Variants in SLIT2 observed in about 807,000 individuals in gnomAD.
The protein encoded by SLIT2 is slit homolog 2 protein.
SLIT2 carries 41 observed loss-of-function variants against 185.7 expected under a neutral mutation model. The ratio of observed to expected loss-of-function variants is 0.22; its 90% confidence interval spans 0.17 to 0.29. The LOEUF (loss-of-function observed/expected upper bound fraction) is 0.29, where lower values mean the gene tolerates loss of function less well. SLIT2 is among the 10% of genes least tolerant of loss of function. SLIT2 has a pLI of 1.00. For missense variants in SLIT2, 1,571 were observed against 1,909.0 expected (o/e 0.82, Z 3.30); for synonymous variants, 693 against 680.2 (o/e 1.02, Z -0.29).
intron 4 of SLIT2, among the ~76,000 whole-genome samples, chr4:20,331,162 CT>C (rs1720035572): frequency 6.6e-6 from 1 of 152,150 alleles, no homozygotes; most frequent in South Asian, 2.1e-4. Context: ...CTAGACATGC[CT>C]TTTTGAATTT....
chr4:20,494,795 A>G (rs995926873), intron 9 of SLIT2, among the ~76,000 whole-genome samples: 1 of 151,652 alleles, frequency 6.6e-6, no homozygotes, highest in African/African-American at 2.4e-5. Context: ...AAAAAAAAGT[A>G]CTAAAATAAT....
Position 20,533,565 on chromosome 4 carries a change from T to C in SLIT2, c.1689-7T>C. 6.3e-7 allele frequency: 1 copy of C among 1,597,376 alleles called. No homozygotes were observed. ...TTAAAACCTTTGTTCCAACAATTTT[T>C]ATTTAGAAACTTTAGCAACAATAAG... On this transcript the variant is annotated splice_polypyrimidine_tract_variant and splice_region_variant and intron_variant, in intron 17 of 36. Coordinates refer to ENST00000504154, the MANE Select transcript of SLIT2 (RefSeq NM_004787.4).
At chr4:20,537,847 A>G (rs1273697324) in intron 18 of SLIT2, among the ~76,000 whole-genome samples, 2 of 152,112 alleles carry the variant, frequency 1.3e-5, no homozygotes, top group Non-Finnish European at 2.9e-5. Flanking sequence ...TCATATACAT[A>G]TTTCAGCCAG....
At chr4:20,518,177 A>G (rs13130853) in intron 11 of SLIT2, among the ~76,000 whole-genome samples, 6 of 141,416 alleles carry the variant, frequency 4.2e-5, no homozygotes, top group Admixed American at 1.4e-4. Flanking sequence ...ACATATATTT[A>G]TATATATACA....
chr4:20,257,914 CA>C lies in SLIT2; in HGVS notation c.299del (p.Gln100ArgfsTer6). 6.4e-7 allele frequency: 1 copy of C among 1,566,164 alleles called. No individual in the cohort carries two copies. Among genetic ancestry groups the C allele is most frequent in the Non-Finnish European group, 8.8e-7 (1 of 1,139,666 alleles). On this transcript the variant is annotated frameshift_variant, in exon 3 of 37. Coordinates refer to ENST00000504154, the MANE Select transcript of SLIT2 (RefSeq NM_004787.4). LOFTEE classifies it high-confidence loss of function. ...TAGCACCATTGAAAGAGGAGCATTC[CA>C]GGATCTTAAAGAACTAGAGAGACTG... Reference protein sequence around the residue: ...KISTIERGAFQDLKELERLRL... With the variant: ...KISTIERGAFXDLKELERLRL...
At chr4:20,604,655 TATCTTTA>T (rs1728653367) in intron 33 of SLIT2, among the ~76,000 whole-genome samples, 1 of 151,856 alleles carries the variant, frequency 6.6e-6, no homozygotes, top group East Asian at 2.0e-4. Flanking sequence ...CCTACATAGA[TATCTTTA>T]ATCTCATTTG....
At chr4:20,290,847 A>T (rs1014364808) in intron 4 of SLIT2, among the ~76,000 whole-genome samples, 2 of 150,440 alleles carry the variant, frequency 1.3e-5, no homozygotes, top group Admixed American at 6.6e-5. Flanking sequence ...CATTTTTCGT[A>T]ATAACCTATA....
chr4:20,256,285 G>A (rs925725414), intron 1 of SLIT2, among the ~76,000 whole-genome samples: 1 of 148,174 alleles, frequency 6.7e-6, no homozygotes, highest in African/African-American at 2.5e-5. Flanking sequence ...AGAAAATTGG[G>A]CATTTAACCT....
intron 4 of SLIT2, among the ~76,000 whole-genome samples, chr4:20,359,020 A>G (rs1388197924): frequency 6.6e-6 from 1 of 152,174 alleles, no homozygotes; most frequent in Non-Finnish European, 1.5e-5. Flanking sequence ...AAAATATCCC[A>G]ACTTCGAGAA....
At chr4:20,595,856 A>G (rs1207232489) in intron 31 of SLIT2, 22 bp downstream of exon 31, 4 of 1,607,504 alleles carry the variant, frequency 2.5e-6, no homozygotes, top group Non-Finnish European at 3.4e-6. Flanking sequence ...AATGAATAAG[A>G]CCTAGTGTTC....
chr4:20,555,538 A>G (rs539202984), intron 26 of SLIT2, among the ~76,000 whole-genome samples: 4 of 152,216 alleles, frequency 2.6e-5, no homozygotes, highest in African/African-American at 7.2e-5. Context: ...AGAAACATTC[A>G]ATATGTTAGC....
At chr4:20,337,959 T>G (rs1163703195) in intron 4 of SLIT2, among the ~76,000 whole-genome samples, 1 of 152,124 alleles carries the variant, frequency 6.6e-6, no homozygotes, top group Non-Finnish European at 1.5e-5. Context: ...TTCACAGCAA[T>G]TGCTTGAAAG....
chr4:20,411,858 G>A (rs949271701), intron 4 of SLIT2, among the ~76,000 whole-genome samples: 4 of 152,088 alleles, frequency 2.6e-5, no homozygotes, highest in African/African-American at 9.7e-5. Context: ...AAACTCTTCG[G>A]TGTGCACTCC....
At chr4:20,545,115 G>GA (rs1354395137) in intron 21 of SLIT2, among the ~76,000 whole-genome samples, 1 of 151,922 alleles carries the variant, frequency 6.6e-6, no homozygotes, top group Non-Finnish European at 1.5e-5. Context: ...TCTATATCCA[G>GA]AAAAAATACC....
chr4:20,497,263 A>G (rs779944177), intron 9 of SLIT2, among the ~76,000 whole-genome samples: 4 of 9,468 alleles, frequency 4.2e-4, no homozygotes, highest in South Asian at 2.1e-3. Flanking sequence ...AAAACTTGGG[A>G]AAAAAAAAAA....
chr4:20,543,591 C>T (rs1198409749), intron 21 of SLIT2, among the ~76,000 whole-genome samples: 1 of 152,152 alleles, frequency 6.6e-6, no homozygotes, highest in Non-Finnish European at 1.5e-5. Flanking sequence ...ACACATATTC[C>T]AAATGAGCAG....
chr4:20,261,738 C>G (rs1000978154), intron 3 of SLIT2, among the ~76,000 whole-genome samples: 6 of 151,672 alleles, frequency 4.0e-5, no homozygotes, highest in Non-Finnish European at 8.9e-5. Flanking sequence ...TGCATATATG[C>G]CTAGGTTATG....
At chr4:20,264,611 A>G (rs1167772300) in intron 3 of SLIT2, among the ~76,000 whole-genome samples, 1 of 151,906 alleles carries the variant, frequency 6.6e-6, no homozygotes, top group East Asian at 1.9e-4. Context: ...ATAATTCAAA[A>G]CAATGTTTGT....
chr4:20,518,339 G>T (rs1302728031), intron 11 of SLIT2, among the ~76,000 whole-genome samples: 1 of 137,168 alleles, frequency 7.3e-6, no homozygotes, highest in Non-Finnish European at 1.6e-5. Flanking sequence ...TGCAAGCTCC[G>T]CCTCCCTGGT....
Sources: allele counts gnomAD v4.1 joint callset (sites outside exome capture counted in the v4.1 genomes callset), GRCh38; gene constraint gnomAD v4.1.1; transcripts MANE v1.5; gene names NCBI Gene and HGNC (gene_info 2026-07-23, HGNC 2026-07-21).